Variants in SPATA33 observed in about 807,000 individuals in gnomAD.
The protein encoded by SPATA33 is spermatogenesis-associated protein 33.
A neutral mutation model predicts 8.9 loss-of-function variants in SPATA33; 10 were observed. The observed-to-expected ratio is 1.12, with a 90% CI of 0.69 to 1.90. SPATA33 has a LOEUF of 1.90. SPATA33 is among the 40% of genes most tolerant of loss of function. SPATA33 has a pLI of 0.00. For synonymous variants in SPATA33, 96 were observed against 72.8 expected (o/e 1.32, Z -1.63); for missense variants, 241 against 178.3 (o/e 1.35, Z -2.00).
chr16:89,658,269 C>T lies in SPATA33; in HGVS notation c.59C>T (p.Ser20Phe), dbSNP rs141575450. The T allele has an allele frequency of 5.0e-6, 8 of 1,614,076 alleles. No individual in the cohort carries two copies. Among genetic ancestry groups the T allele is most frequent in the Non-Finnish European group, 6.8e-6 (8 of 1,180,044 alleles). ...PRKGEEQKKG[S>F]TYSVPKSKEK... ...TCAGGTGAGGAGCAAAAGAAGGGAT[C>T]CACCTATTCAGTTCCAAAATCTAAG... is the stretch of plus-strand genomic sequence containing the variant. The change falls in exon 2 of 3, where the codon TCC becomes TTC. Residue 20 changes from serine (S) to phenylalanine (F), a missense_variant. By Grantham distance (155) the Ser-to-Phe change is radical. Transcript: ENST00000579310.
rs764145176 is a variant in SPATA33 at position 89,669,350 on chromosome 16, G to A, written c.276G>A (p.Thr92=). The stretch of plus-strand genomic sequence containing the variant: ...TGGTCGTTCCACAGATCATCATCAC[G>A]CGAGCGTCGAATGAGACGCTAGTCA... ...KKVVVPQIII[T]RASNETLVSC... Residue 92 remains threonine, a synonymous_variant, in exon 3 of 3, where the codon ACG becomes ACA. Transcript: ENST00000579310. The A allele has an allele frequency of 3.1e-6, 5 of 1,614,180 alleles. No homozygotes were observed. Among genetic ancestry groups the A allele is most frequent in the South Asian group, 1.1e-5 (1 of 91,080 alleles).
At chr16:89,660,437 C>A in intron 2 of SPATA33, 1 of 1,230,084 alleles carries the variant, frequency 8.1e-7, no homozygotes. Context: ...GTCTGTCACA[C>A]CAGAGGGTGG....
intron 2 of SPATA33, chr16:89,659,778 G>A (rs2059941039): frequency 6.6e-6 from 1 of 152,398 alleles, no homozygotes; most frequent in Admixed American, 6.5e-5. Context: ...GAGGAGCTGG[G>A]CCTGGACTGC....
At chr16:89,658,051 T>C (rs2059905183) in intron 1 of SPATA33, 103 bp downstream of exon 1, 2 of 1,457,774 alleles carry the variant, frequency 1.4e-6, no homozygotes, top group Non-Finnish European at 1.8e-6. Context: ...GGCGCCAGGC[T>C]CGGCCCGGTG....
chr16:89,662,396 C>G (rs2059976018), intron 2 of SPATA33, among the ~76,000 whole-genome samples: 1 of 150,902 alleles, frequency 6.6e-6, no homozygotes, highest in Non-Finnish European at 1.5e-5. Flanking sequence ...ATTCACTATT[C>G]TATTTTCTTG....
chr16:89,667,906 G>C (rs1449951075), intron 2 of SPATA33: 3 of 152,302 alleles, frequency 2.0e-5, no homozygotes, highest in African/African-American at 7.2e-5. Flanking sequence ...AGATGGCTTG[G>C]CTTGTCTGTA....
At chr16:89,667,480 G>T (rs1165219294) in intron 2 of SPATA33, among the ~76,000 whole-genome samples, 1 of 152,034 alleles carries the variant, frequency 6.6e-6, no homozygotes, top group Admixed American at 6.6e-5. Flanking sequence ...GGAACAGCTC[G>T]TGCCCTCGGT....
At chr16:89,661,000 C>T (rs2059959202) in intron 2 of SPATA33, 1 of 993,720 alleles carries the variant, frequency 1.0e-6, no homozygotes, top group Non-Finnish European at 1.2e-6. Flanking sequence ...AGTGAGTCTT[C>T]ACATGCCTCC....
rs766642860 is a variant in SPATA33 at position 89,669,422 on chromosome 16, G to A, written c.348G>A (p.Pro116=). The A allele has an allele frequency of 2.5e-5, 41 of 1,613,970 alleles. No homozygotes were observed. The highest frequency in any genetic ancestry group is 2.0e-4 in the East Asian group (9 of 44,898). Residue 116 remains proline, a synonymous_variant, in exon 3 of 3, where the codon CCG becomes CCA. Transcript: ENST00000579310. ...GSDQQRTIRE[P]EDWGPYRRHR... ...ACCAGCAGAGAACCATTCGGGAGCC[G>A]GAGGACTGGGGCCCCTACCGGCGGC...
Position 89,658,182 on chromosome 16 carries a change from G to A in SPATA33, c.38-66G>A, listed in dbSNP as rs151272435. 8.6e-3 allele frequency: 13,740 copies of A among 1,597,888 alleles called. 101 individuals carry two copies. The highest frequency in any genetic ancestry group is 0.018 in the Middle Eastern group (102 of 5,734). ...TTCTGGACCCACGCAGGCGACTGAA[G>A]ACGATGGGACCCACTGCCCTGCATT... On this transcript the variant is annotated intron_variant, in intron 1 of 2. Coordinates refer to ENST00000579310, the MANE Select transcript of SPATA33 (RefSeq NM_001271907.2).
Position 89,667,154 on chromosome 16 carries a change from C to G in SPATA33, c.212-2132C>G, listed in dbSNP as rs1597807726. On this transcript the variant is annotated intron_variant, in intron 2 of 2. Coordinates refer to ENST00000579310, the MANE Select transcript of SPATA33 (RefSeq NM_001271907.2). ...TTTTTCCTTGACACTGACGCTACTG[C>G]TAGACCATGGTCTGCTTGGCAACGG... is the stretch of plus-strand genomic sequence containing the variant. Among the ~76,000 whole-genome samples the G allele has an allele frequency of 3.3e-5, 5 of 152,318 alleles. 1 individual carries two copies. Among genetic ancestry groups the G allele is most frequent in the Admixed American group, 3.3e-4 (5 of 15,298 alleles).
At chr16:89,658,500 A>G in intron 2 of SPATA33, 79 bp downstream of exon 2, 1 of 1,506,358 alleles carries the variant, frequency 6.6e-7, no homozygotes, top group Non-Finnish European at 8.9e-7. Context: ...CTACTGTAAG[A>G]CCCTACCGGA....
At chr16:89,660,265 C>G (rs954369283) in intron 2 of SPATA33, 3 of 370,930 alleles carry the variant, frequency 8.1e-6, no homozygotes, top group East Asian at 7.8e-5. Flanking sequence ...GCAAGGAAAC[C>G]TTTCCCAGGA....
At chr16:89,657,818 C>G (rs781658601), upstream of SPATA33, 23 of 1,506,992 alleles carry the variant, frequency 1.5e-5, no homozygotes, top group African/African-American at 2.0e-4. Flanking sequence ...ACGCACGCCG[C>G]TGGCGCGAGG....
At chr16:89,667,140 CACTG>C (rs763012771) in intron 2 of SPATA33, among the ~76,000 whole-genome samples, 1 of 152,224 alleles carries the variant, frequency 6.6e-6, no homozygotes, top group Non-Finnish European at 1.5e-5. Flanking sequence ...TTTTCCTTGA[CACTG>C]ACGCTACTGC....
chr16:89,658,474 G>A (rs761396064), intron 2 of SPATA33, 53 bp downstream of exon 2: 9 of 1,549,716 alleles, frequency 5.8e-6, no homozygotes, highest in Middle Eastern at 2.3e-4. Flanking sequence ...GAGGATCTGG[G>A]GCTGGGGTGA....
rs570805992 is a variant in SPATA33 at position 89,660,590 on chromosome 16, C to T, written c.211+2169C>T. On this transcript the variant is annotated intron_variant, in intron 2 of 2. Coordinates refer to ENST00000579310, the MANE Select transcript of SPATA33 (RefSeq NM_001271907.2). ...CAGGCTGCTGACTCCCTTGCCACACCGTGAAGGAGTCCCAAAGGTGGGACA... is the reference window on the plus strand; with the variant it reads ...CAGGCTGCTGACTCCCTTGCCACACTGTGAAGGAGTCCCAAAGGTGGGACA... 132 of 1,211,646 alleles carry T rather than the reference C, an allele frequency of 1.1e-4. No homozygotes were observed. In the East Asian group the frequency reaches 2.7e-3, roughly 25 times the overall value. The allele number at this position is 1,211,646 out of a possible 1,614,324, so 75.1% of individuals were successfully genotyped here. A position where few individuals can be genotyped will look rare whatever the true frequency, so the allele number is the denominator to read the frequency against.
intron 2 of SPATA33, among the ~76,000 whole-genome samples, chr16:89,666,324 C>G (rs1185995094): frequency 6.6e-6 from 1 of 152,104 alleles, no homozygotes; most frequent in Non-Finnish European, 1.5e-5. Context: ...CGAATAGCCA[C>G]TGCGCTCCTT....
intron 2 of SPATA33, among the ~76,000 whole-genome samples, chr16:89,663,255 T>C (rs2059986553): frequency 6.6e-6 from 1 of 151,670 alleles, no homozygotes; most frequent in Admixed American, 6.6e-5. Context: ...TTTTTTTTTT[T>C]TTAGGCTGGA....
Sources: allele counts gnomAD v4.1 joint callset (sites outside exome capture counted in the v4.1 genomes callset), GRCh38; gene constraint gnomAD v4.1.1; transcripts MANE v1.5; gene names NCBI Gene and HGNC (gene_info 2026-07-23, HGNC 2026-07-21).